RAI14: variants seen among roughly 807,000 people sequenced by gnomAD.
RAI14 encodes the protein retinoic acid induced 14, also known as ankycorbin.
Under a neutral mutation model 115.4 loss-of-function variants are expected in RAI14, and 45 were observed. The ratio of observed to expected loss-of-function variants is 0.39; its 90% CI spans 0.31 to 0.50. RAI14 has a LOEUF of 0.50. RAI14 is among the 20% of genes least tolerant of loss of function. The pLI is 0.85. For synonymous variants in RAI14, 371 were observed against 415.4 expected (o/e 0.89, Z 1.30); for missense variants, 939 against 1,131.2 (o/e 0.83, Z 2.44).
chr5:34,702,326 A>G (rs1740176999), intron 2 of RAI14, among the ~76,000 whole-genome samples: 1 of 152,172 alleles, frequency 6.6e-6, no homozygotes, highest in Non-Finnish European at 1.5e-5. Context: ...TACTAAAAAT[A>G]TGAAAAATTA....
intron 5 of RAI14, among the ~76,000 whole-genome samples, chr5:34,804,486 G>A (rs1468962995): frequency 1.3e-5 from 2 of 152,196 alleles, no homozygotes; most frequent in South Asian, 2.1e-4. Context: ...GTGTTTGCTT[G>A]TACTGTCTGT....
chr5:34,812,154 T>A, intron 9 of RAI14, 26 bp from the exon 10 acceptor site: 3 of 1,555,816 alleles, frequency 1.9e-6, no homozygotes, highest in Non-Finnish European at 2.6e-6. Flanking sequence ...TTCTTATAGT[T>A]CTTTTTTTCA....
At chr5:34,818,879 T>G in intron 13 of RAI14, 28 bp downstream of exon 13, 1 of 1,586,004 alleles carries the variant, frequency 6.3e-7, no homozygotes, top group Middle Eastern at 1.7e-4. Context: ...CTGTTTTTTT[T>G]TTTCCTTCAA....
chr5:34,816,437 A>T (rs1329320975), intron 12 of RAI14, among the ~76,000 whole-genome samples: 2 of 152,138 alleles, frequency 1.3e-5, no homozygotes, highest in African/African-American at 4.8e-5. Context: ...TAAAAGTAAT[A>T]TGTATTTATT....
intron 2 of RAI14, among the ~76,000 whole-genome samples, chr5:34,745,782 A>G (rs1179439897): frequency 2.0e-5 from 3 of 152,164 alleles, no homozygotes; most frequent in Non-Finnish European, 4.4e-5. Flanking sequence ...ATTTATTTTA[A>G]GCAGGTTTCC....
chr5:34,831,875 T>G lies in RAI14; in HGVS notation c.*1110T>G, dbSNP rs1758037806. On this transcript the variant is annotated 3_prime_UTR_variant, in exon 18 of 18. Coordinates refer to ENST00000265109, the MANE Select transcript of RAI14 (RefSeq NM_015577.3). Reference sequence around the variant, plus strand: ...CATTTCTGAATCTAGCAAATCCTCCTTTTACCCGTTGAATGTTTTGAATGC... The same window carrying G: ...CATTTCTGAATCTAGCAAATCCTCCGTTTACCCGTTGAATGTTTTGAATGC... The G allele has an allele frequency of 6.6e-6, 1 of 152,272 alleles. No homozygotes were observed. The highest frequency in any genetic ancestry group is 1.9e-4 in the East Asian group (1 of 5,182). 9.4% of individuals were successfully genotyped at this position (152,272 alleles called of 1,614,324 possible).
At chr5:34,752,186 T>C (rs949719430) in intron 2 of RAI14, among the ~76,000 whole-genome samples, 1 of 149,866 alleles carries the variant, frequency 6.7e-6, no homozygotes, top group African/African-American at 2.5e-5. Flanking sequence ...AATTGGCCTT[T>C]TAAAAAAGTT....
rs2150193828 is a variant in RAI14, at chr5:34,791,736, A to T, written c.168-4203A>T. ...ACCAGTAAGGTTGGGAATGCCGCCCAGGATTCTAACAAGAGTGAGAATCTA... is the reference window on the plus strand; with the variant it reads ...ACCAGTAAGGTTGGGAATGCCGCCCTGGATTCTAACAAGAGTGAGAATCTA... On this transcript the variant is annotated intron_variant, in intron 3 of 17. Transcript: ENST00000265109. This position sits in a 1 kb window ranked among gnomAD's most constrained non-coding sequence, Gnocchi z 5.4. Among the ~76,000 whole-genome samples, 1 of 152,352 alleles carries T rather than the reference A, an allele frequency of 6.6e-6. No homozygotes were observed. The highest frequency in any genetic ancestry group is 6.5e-5 in the Admixed American group (1 of 15,304).
intron 3 of RAI14, among the ~76,000 whole-genome samples, chr5:34,770,673 G>A (rs1750038556): frequency 6.6e-6 from 1 of 152,182 alleles, no homozygotes; most frequent in Non-Finnish European, 1.5e-5. Context: ...AGGCCCTGAG[G>A]TGGAAGGACG....
intron 3 of RAI14, among the ~76,000 whole-genome samples, chr5:34,774,053 A>G (rs1325017109): frequency 1.3e-5 from 2 of 152,162 alleles, no homozygotes; most frequent in Non-Finnish European, 2.9e-5. Context: ...CCACAAAACT[A>G]TTAGAACTGA....
chr5:34,687,608 G>C (rs1274355677), intron 2 of RAI14: 1 of 1,521,450 alleles, frequency 6.6e-7, no homozygotes, highest in Non-Finnish European at 8.8e-7. Context: ...TTTTTTAAAA[G>C]GTCACCCCAT....
intron 1 of RAI14, chr5:34,657,138 G>C (rs1742333568): frequency 6.6e-6 from 1 of 152,352 alleles, no homozygotes; most frequent in African/African-American, 2.4e-5. Context: ...GAGAACGGAT[G>C]CTGGAGTTGG....
In RAI14 at chr5:34,665,155, G is replaced by GTATATATATA. The variant is rs1743064089; in HGVS notation, c.-49+8681_-49+8682insATATATATAT. On this transcript the variant is annotated intron_variant, in intron 1 of 17. Transcript: ENST00000265109. ...TGTATATATATACACATATATATGT[G>GTATATATATA]TGTGTATATATATATATACACACAT... 1.6e-4 allele frequency among the ~76,000 whole-genome samples: 3 copies of GTATATATATA among 19,216 alleles called. 1 individual carries two copies. Among genetic ancestry groups the GTATATATATA allele is most frequent in the Non-Finnish European group, 3.2e-4 (3 of 9,306 alleles). 12.6% of individuals were successfully genotyped at this position (19,216 alleles called of 152,430 possible).
chr5:34,758,024 C>T (rs1326291420), intron 3 of RAI14, among the ~76,000 whole-genome samples: 8 of 152,296 alleles, frequency 5.3e-5, no homozygotes. Flanking sequence ...TTATGGTTTG[C>T]TGTATGTAGT....
Position 34,829,778 on chromosome 5 carries a change from A to G in RAI14, c.2846A>G (p.His949Arg). ...HQEVISVYRMHLLYAVQGQMD... is the reference protein window; with the variant it reads ...HQEVISVYRMRLLYAVQGQMD... ...GAGGTCATATCAGTTTACAGAATGC[A>G]TCTTCTGTATGCTGTGCAGGTATGG... The change falls in exon 17 of 18, where the codon CAT becomes CGT. Residue 949 changes from histidine to arginine, a missense_variant. Physicochemically the swap from His to Arg is conservative, Grantham distance 29. Coordinates refer to ENST00000265109, the MANE Select transcript of RAI14 (RefSeq NM_015577.3). The G allele has an allele frequency of 6.2e-7, 1 of 1,611,820 alleles. No homozygotes were observed. The highest frequency in any genetic ancestry group is 8.5e-7 in the Non-Finnish European group (1 of 1,178,534).
chr5:34,687,507 G>A (rs1737994386), intron 2 of RAI14: 1 of 1,334,022 alleles, frequency 7.5e-7, no homozygotes, highest in Admixed American at 3.2e-5. Context: ...CTGGATTGGA[G>A]GAAGCAGTTA....
intron 2 of RAI14, among the ~76,000 whole-genome samples, chr5:34,701,056 G>A (rs998813528): frequency 2.4e-4 from 37 of 152,148 alleles, no homozygotes; most frequent in Non-Finnish European, 1.0e-4. Flanking sequence ...GGGCAGCTAT[G>A]TCAACCTCAT....
rs574945699 is a variant in RAI14 at position 34,705,047 on chromosome 5, C to A, written c.36+18092C>A. The stretch of plus-strand genomic sequence containing the variant: ...GGGCCCAAGCAATGCTCCCACCTCA[C>A]CTCCTGAGTAGCTTCGGACTATGGA... On this transcript the variant is annotated intron_variant, in intron 2 of 17. Coordinates refer to ENST00000265109, the MANE Select transcript of RAI14 (RefSeq NM_015577.3). Among the ~76,000 whole-genome samples the A allele has an allele frequency of 2.0e-5, 3 of 152,300 alleles. No homozygotes were observed. The East Asian group carries it at 5.8e-4, about 29-fold the overall frequency.
At chr5:34,746,052 C>A (rs1443313041) in intron 2 of RAI14, among the ~76,000 whole-genome samples, 1 of 151,532 alleles carries the variant, frequency 6.6e-6, no homozygotes, top group African/African-American at 2.4e-5. Flanking sequence ...CACCTCCCAG[C>A]CCCTTTCATC....
Sources: allele counts gnomAD v4.1 joint callset (sites outside exome capture counted in the v4.1 genomes callset), GRCh38; gene constraint gnomAD v4.1.1; non-coding constraint Gnocchi (gnomAD v3.1); transcripts MANE v1.5; gene names NCBI Gene and HGNC (gene_info 2026-07-23, HGNC 2026-07-21).